SLC24A4: variants seen among roughly 807,000 people sequenced by gnomAD.
The protein encoded by SLC24A4 is sodium/potassium/calcium exchanger 4.
In SLC24A4, 53 loss-of-function variants were observed where a neutral mutation model predicts 79.0. That is an observed-to-expected ratio of 0.67 (90% confidence interval 0.54 to 0.84). The LOEUF (loss-of-function observed/expected upper bound fraction) is 0.84. Among genes scored for constraint, SLC24A4 ranks in the 40% least tolerant of loss-of-function variants. SLC24A4 has a pLI of 0.00. For synonymous variants in SLC24A4, 323 were observed against 323.8 expected (o/e 1.00, Z 0.03); for missense variants, 731 against 822.0 (o/e 0.89, Z 1.35).
At chr14:92,450,213 C>T (rs941868399) in intron 10 of SLC24A4, 1 of 152,248 alleles carries the variant, frequency 6.6e-6, no homozygotes, top group Non-Finnish European at 1.5e-5. Flanking sequence ...TGTGATGTCA[C>T]TGGTGGGATG....
At chr14:92,407,136 T>C (rs912777025) in intron 2 of SLC24A4, among the ~76,000 whole-genome samples, 1 of 152,186 alleles carries the variant, frequency 6.6e-6, no homozygotes, top group Non-Finnish European at 1.5e-5. Context: ...ATTCCACAGA[T>C]CCCTAGAGTA....
chr14:92,458,371 G>A (rs971510779), intron 12 of SLC24A4, among the ~76,000 whole-genome samples: 2 of 152,138 alleles, frequency 1.3e-5, no homozygotes, highest in East Asian at 1.9e-4. Flanking sequence ...TTGGTGTCTC[G>A]GCCCGTCTCA....
Position 92,493,737 on chromosome 14 carries a change from C to A in SLC24A4, c.*109C>A. ...CTCTCCTGCATAGGCAGCCACTGTC[C>A]GTTCTTTCACACACTGGAAGGAAGA... On this transcript the variant is annotated 3_prime_UTR_variant, in exon 17 of 17. Coordinates refer to ENST00000532405, the MANE Select transcript of SLC24A4 (RefSeq NM_153646.4). The A allele has an allele frequency of 7.9e-7, 1 of 1,264,492 alleles. No homozygotes were observed. Among genetic ancestry groups the A allele is most frequent in the Non-Finnish European group, 1.1e-6 (1 of 918,610 alleles). The allele number at this position is 1,264,492 out of a possible 1,614,324, so 78.3% of individuals were successfully genotyped here.
chr14:92,398,831 G>A lies in SLC24A4; in HGVS notation c.242-35081G>A, dbSNP rs895361084. Among the ~76,000 whole-genome samples the A allele has an allele frequency of 3.3e-5, 5 of 152,188 alleles. No individual in the cohort carries two copies. The highest frequency in any genetic ancestry group is 1.9e-4 in the East Asian group (1 of 5,192). On this transcript the variant is annotated intron_variant, in intron 2 of 16. Coordinates refer to ENST00000532405, the MANE Select transcript of SLC24A4 (RefSeq NM_153646.4). This position sits in a 1 kb window ranked among gnomAD's most constrained non-coding sequence, Gnocchi z 4.1. ...TGGAGTCTCTACAGAAGGGACATTC[G>A]TCTTCCCTTTGGGGTGGCACCCTTC...
chr14:92,349,192 C>T (rs536435213), intron 2 of SLC24A4, among the ~76,000 whole-genome samples: 2 of 149,436 alleles, frequency 1.3e-5, no homozygotes, highest in South Asian at 2.1e-4. Flanking sequence ...TACAGTCTTG[C>T]TCTGTCGCCA....
chr14:92,376,523 A>G (rs1175680834), intron 2 of SLC24A4, among the ~76,000 whole-genome samples: 1 of 152,160 alleles, frequency 6.6e-6, no homozygotes. Flanking sequence ...TATTTTGCAT[A>G]CAGAAGTCTG....
At chr14:92,493,397 A>C (rs929702645) in intron 16 of SLC24A4, 79 bp from the exon 17 acceptor site, 3 of 1,539,024 alleles carry the variant, frequency 1.9e-6, no homozygotes, top group East Asian at 2.3e-5. Flanking sequence ...GTTTCCCCAC[A>C]TAGGTGTCGC....
chr14:92,360,066 G>C (rs2141663244), intron 2 of SLC24A4, among the ~76,000 whole-genome samples: 1 of 152,228 alleles, frequency 6.6e-6, no homozygotes, highest in South Asian at 2.1e-4. Flanking sequence ...TTATAGGTGT[G>C]CACCACCATG....
At chr14:92,358,738 C>T (rs1034858558) in intron 2 of SLC24A4, among the ~76,000 whole-genome samples, 20 of 149,606 alleles carry the variant, frequency 1.3e-4, no homozygotes, top group Non-Finnish European at 2.7e-4. Context: ...GCTCTGTCAC[C>T]TAGGCTGGAA....
At chr14:92,444,469 G>A (rs1291996830) in intron 7 of SLC24A4, among the ~76,000 whole-genome samples, 1 of 152,134 alleles carries the variant, frequency 6.6e-6, no homozygotes, top group South Asian at 2.1e-4. Context: ...TCCAAACAGA[G>A]CAAAGTATAA....
chr14:92,357,554 A>T (rs970140810), intron 2 of SLC24A4, among the ~76,000 whole-genome samples: 5 of 152,334 alleles, frequency 3.3e-5, no homozygotes, highest in Middle Eastern at 3.4e-3. Flanking sequence ...ATGTGGATGA[A>T]CCTTGAAGAC....
intron 14 of SLC24A4, among the ~76,000 whole-genome samples, chr14:92,491,370 C>A (rs575685473): frequency 1.3e-5 from 2 of 152,260 alleles, no homozygotes; most frequent in African/African-American, 4.8e-5. Context: ...CTAACGACCT[C>A]ATTTTAACCT....
In SLC24A4 at chr14:92,389,748, C is replaced by T. The variant is rs890915261; in HGVS notation, c.242-44164C>T. ...CACTTTCCCCCATTCTCCACCCTTT[C>T]TGTCTCCCCAGAAGCCTGGCCTTGT... On this transcript the variant is annotated intron_variant, in intron 2 of 16. Transcript: ENST00000532405. Among the ~76,000 whole-genome samples the T allele has an allele frequency of 2.0e-4, 30 of 152,218 alleles. 1 individual carries two copies. The highest frequency in any genetic ancestry group is 1.8e-3 in the Admixed American group (27 of 15,286).
At chr14:92,401,752 GC>G (rs1380032329) in intron 2 of SLC24A4, among the ~76,000 whole-genome samples, 9 of 152,140 alleles carry the variant, frequency 5.9e-5, no homozygotes, top group Non-Finnish European at 1.0e-4. Flanking sequence ...TTTCCGCAGT[GC>G]CCTGAGGTGT....
Position 92,495,190 on chromosome 14 carries a change from C to T in SLC24A4, c.*1562C>T, listed in dbSNP as rs575520576. 40 of 152,644 alleles carry T rather than the reference C, an allele frequency of 2.6e-4. No homozygotes were observed. The highest frequency in any genetic ancestry group is 5.1e-4 in the Non-Finnish European group (35 of 68,020). The allele number at this position is 152,644 out of a possible 1,614,324, so 9.5% of individuals were successfully genotyped here. ...TAATCCCTTCCTGAGACTCAAAGAT[C>T]GTGACGCTGGTTGGAATTTCTGACT... is the stretch of plus-strand genomic sequence containing the variant. On this transcript the variant is annotated 3_prime_UTR_variant, in exon 17 of 17. Coordinates refer to ENST00000532405, the MANE Select transcript of SLC24A4 (RefSeq NM_153646.4).
Position 92,442,150 on chromosome 14 carries a change from CA to C in SLC24A4, c.456del (p.Glu153SerfsTer32). 1 of 1,613,862 alleles carries C rather than the reference CA, an allele frequency of 6.2e-7. No individual in the cohort carries two copies. Among genetic ancestry groups the C allele is most frequent in the Non-Finnish European group, 8.5e-7 (1 of 1,179,906 alleles). ...ATFMAAGSST[P>X]ELFASVIGVF... ...TTCATGGCTGCAGGAAGCTCAACGC[CA>C]GAGCTGTTTGCGTCTGTTATTGGTA... On this transcript the variant is annotated frameshift_variant, in exon 5 of 17. Coordinates refer to ENST00000532405, the MANE Select transcript of SLC24A4 (RefSeq NM_153646.4). LOFTEE classifies it high-confidence loss of function.
In SLC24A4 at chr14:92,493,679, G is replaced by A. The variant is rs574826113; in HGVS notation, c.*51G>A. On this transcript the variant is annotated 3_prime_UTR_variant, in exon 17 of 17. Transcript: ENST00000532405. ...GATCTGGACACCCTGTGACACTGGC[G>A]TTCTCCTCTCCCCTCCTTCCCCCAC... 89 of 1,595,746 alleles carry A rather than the reference G, an allele frequency of 5.6e-5. 2 individuals carry two copies. The highest frequency in any genetic ancestry group is 5.3e-4 in the Middle Eastern group (3 of 5,628).
At chr14:92,443,288 G>A (rs937291651) in intron 6 of SLC24A4, 112 bp from the exon 7 acceptor site, 1 of 929,116 alleles carries the variant, frequency 1.1e-6, no homozygotes, top group Non-Finnish European at 1.7e-6. Flanking sequence ...CTGGAGTTAG[G>A]AGGTGGAGCT....
At chr14:92,423,493 C>T (rs757584459) in intron 2 of SLC24A4, among the ~76,000 whole-genome samples, 2 of 152,122 alleles carry the variant, frequency 1.3e-5, no homozygotes, top group Non-Finnish European at 2.9e-5. Flanking sequence ...TATGCCTTGT[C>T]TAGTAGAGGT....
Sources: allele counts gnomAD v4.1 joint callset (sites outside exome capture counted in the v4.1 genomes callset), GRCh38; gene constraint gnomAD v4.1.1; non-coding constraint Gnocchi (gnomAD v3.1); transcripts MANE v1.5; gene names NCBI Gene and HGNC (gene_info 2026-07-23, HGNC 2026-07-21).